Variants in HPS3 observed in about 807,000 individuals in gnomAD.
HPS3 encodes BLOC-2 complex member HPS3.
A neutral mutation model predicts 110.9 loss-of-function variants in HPS3; 79 were observed. The observed-to-expected ratio is 0.71, with a 90% CI of 0.59 to 0.86. The LOEUF (loss-of-function observed/expected upper bound fraction) is 0.86. HPS3 is among the 40% of genes least tolerant of loss of function. HPS3 has a pLI of 0.00. For synonymous variants in HPS3, 428 were observed against 451.0 expected (o/e 0.95, Z 0.65); for missense variants, 1,197 against 1,206.2 (o/e 0.99, Z 0.11).
intron 1 of HPS3, among the ~76,000 whole-genome samples, chr3:149,133,010 G>A (rs1276482584): frequency 6.6e-6 from 1 of 152,210 alleles, no homozygotes; most frequent in Non-Finnish European, 1.5e-5. Flanking sequence ...AACTTGAATG[G>A]GTGAGGAGTT....
At chr3:149,161,716 GC>G (rs1161845866) in intron 11 of HPS3, among the ~76,000 whole-genome samples, 2 of 151,876 alleles carry the variant, frequency 1.3e-5, no homozygotes, top group African/African-American at 4.8e-5. Context: ...TACCATGTTG[GC>G]CAGGCTGGTC....
At position 149,153,634 on chromosome 3, in the gene HPS3, AC is replaced by A; in HGVS notation, c.1389del (p.Lys464ArgfsTer18). On this transcript the variant is annotated frameshift_variant, in exon 7 of 17. Coordinates refer to ENST00000296051, the MANE Select transcript of HPS3 (RefSeq NM_032383.5). LOFTEE classifies it high-confidence loss of function. ...AAGCCATTCCAGAGAGAAGACAGTC[AC>A]CCAAGAGGCTTCTGTAAGCATCCCC... ...PEAIPERRQS[P>X]KRLLSRKDTS... is the part of the protein sequence containing the mutation. 1 of 1,614,226 alleles carries A rather than the reference AC, an allele frequency of 6.2e-7. No individual in the cohort carries two copies. The highest frequency in any genetic ancestry group is 8.5e-7 in the Non-Finnish European group (1 of 1,180,024).
intron 5 of HPS3, among the ~76,000 whole-genome samples, chr3:149,149,580 T>A (rs927394742): frequency 3.3e-5 from 5 of 152,144 alleles, no homozygotes; most frequent in Non-Finnish European, 7.4e-5. Flanking sequence ...ACTGAAAATA[T>A]CAGAATGCCT....
intron 5 of HPS3, among the ~76,000 whole-genome samples, chr3:149,150,233 T>C (rs576061823): frequency 6.6e-6 from 1 of 152,258 alleles, no homozygotes; most frequent in South Asian, 2.1e-4. Context: ...ATCTGTACCT[T>C]GGGCAGGTAC....
rs768116279 is a variant in HPS3, at chr3:149,160,033, G to A, written c.1873-13G>A. The stretch of plus-strand genomic sequence containing the variant: ...GACCTTTTATTCCTTTTATTCCTTC[G>A]TGCTCACCAAAGGAATTAGCAGCAA... On this transcript the variant is annotated splice_polypyrimidine_tract_variant and intron_variant, in intron 10 of 16. Transcript: ENST00000296051. 16 of 1,598,670 alleles carry A rather than the reference G, an allele frequency of 1.0e-5. No individual in the cohort carries two copies. The highest frequency in any genetic ancestry group is 6.6e-5 in the South Asian group (6 of 90,726).
Position 149,140,389 on chromosome 3 carries a change from G to A in HPS3, c.603G>A (p.Met201Ile), listed in dbSNP as rs1722367891. The change falls in exon 2 of 17, where the codon ATG becomes ATA. Residue 201 changes from methionine to isoleucine, a missense_variant. Transcript: ENST00000296051. Reference sequence around the variant, plus strand: ...TTTGTGTTGGATATGTTGCTGTCATGTCAGACTTAGAAGTCTTAATCGTAA... The same window carrying A: ...TTTGTGTTGGATATGTTGCTGTCATATCAGACTTAGAAGTCTTAATCGTAA... Reference protein sequence around the residue: ...VSFCVGYVAVMSDLEVLIVKL... With the variant: ...VSFCVGYVAVISDLEVLIVKL... 1 of 1,610,344 alleles carries A rather than the reference G, an allele frequency of 6.2e-7. No homozygotes were observed. Among genetic ancestry groups the A allele is most frequent in the Admixed American group, 1.7e-5 (1 of 59,586 alleles).
intron 1 of HPS3, among the ~76,000 whole-genome samples, chr3:149,131,564 T>C (rs1425793223): frequency 2.6e-5 from 4 of 152,332 alleles, no homozygotes; most frequent in East Asian, 1.9e-4. Flanking sequence ...TTAATTGATA[T>C]GTGTTGTGTA....
chr3:149,136,770 G>A (rs1722130304), intron 1 of HPS3, among the ~76,000 whole-genome samples: 1 of 152,144 alleles, frequency 6.6e-6, no homozygotes, highest in Admixed American at 6.5e-5. Flanking sequence ...TAATCTGAAA[G>A]CACACAATAC....
rs1427059089 is a variant in HPS3 at position 149,129,815 on chromosome 3, A to G, written c.92A>G (p.Asp31Gly). The G allele has an allele frequency of 6.2e-7, 1 of 1,605,776 alleles. No individual in the cohort carries two copies. The highest frequency in any genetic ancestry group is 1.7e-5 in the Admixed American group (1 of 59,866). ...GACCGGTTCTGTGGCGGGGGGCGTG[A>G]CGCGCTTTTCGTGGCGGCGGGCTGC... ...EPDRFCGGGRDALFVAAGCKV... is the reference protein window; with the variant it reads ...EPDRFCGGGRGALFVAAGCKV... Residue 31 changes from aspartate (D) to glycine (G), a missense_variant, in exon 1 of 17, where the codon GAC becomes GGC. Physicochemically the swap from Asp to Gly is moderately conservative, Grantham distance 94. Transcript: ENST00000296051.
In HPS3 at chr3:149,162,812, G is replaced by C. The variant is rs1257586851; in HGVS notation, c.2415G>C (p.Gln805His). 4 of 1,613,930 alleles carry C rather than the reference G, an allele frequency of 2.5e-6. No individual in the cohort carries two copies. The highest frequency in any genetic ancestry group is 3.4e-6 in the Non-Finnish European group (4 of 1,179,968). Residue 805 changes from glutamine to histidine, a missense_variant, in exon 13 of 17, where the codon CAG becomes CAC. By Grantham distance (24) the Gln-to-His change is conservative (BLOSUM62 0). Transcript: ENST00000296051. ...LQELFFKLTSQYIWRLSKRQP... is the reference protein window; with the variant it reads ...LQELFFKLTSHYIWRLSKRQP... ...AACTCTTTTTCAAACTCACATCACA[G>C]TACATCTGGAGATTGTCTAAGAGGC...
At position 149,129,651 on chromosome 3, in the gene HPS3, C is replaced by A. The variant is rs1039787977; in HGVS notation, c.-73C>A. On this transcript the variant is annotated 5_prime_UTR_variant, in exon 1 of 17. Coordinates refer to ENST00000296051, the MANE Select transcript of HPS3 (RefSeq NM_032383.5). The stretch of plus-strand genomic sequence containing the variant: ...TGGCTCGCTCGCGGAAGTAGTCCTA[C>A]ATTCGCGGTCAGCGCGGGGTCTCCG... 1.0e-5 allele frequency: 12 copies of A among 1,192,146 alleles called. No homozygotes were observed. In the African/African-American group the frequency reaches 1.4e-4, roughly 14 times the overall value. The allele number at this position is 1,192,146 out of a possible 1,614,324, so 73.8% of individuals were successfully genotyped here.
rs2108163136 is a variant in HPS3 at position 149,160,195 on chromosome 3, C to G, written c.2022C>G (p.Ile674Met). Residue 674 changes from isoleucine (I) to methionine (M), a missense_variant, in exon 11 of 17, where the codon ATC becomes ATG. Physicochemically the swap from Ile to Met is conservative, Grantham distance 10. Transcript: ENST00000296051. ...TGGATACTTCTGGGTTTTCATCGATCTTAGTGACATTGACCAAGGCAGCAG... is the reference window on the plus strand; with the variant it reads ...TGGATACTTCTGGGTTTTCATCGATGTTAGTGACATTGACCAAGGCAGCAG... ...RKLDTSGFSS[I>M]LVTLTKAAVA... is the part of the protein sequence containing the mutation. 2 of 1,613,882 alleles carry G rather than the reference C, an allele frequency of 1.2e-6. No homozygotes were observed. The highest frequency in any genetic ancestry group is 1.3e-5 in the African/African-American group (1 of 75,022).
intron 10 of HPS3, among the ~76,000 whole-genome samples, chr3:149,159,454 T>C (rs940441725): frequency 1.3e-5 from 2 of 152,108 alleles, no homozygotes; most frequent in Non-Finnish European, 2.9e-5. Context: ...TTCCAGCTAC[T>C]CAGGAGGCTG....
chr3:149,134,547 T>C (rs1013018353), intron 1 of HPS3, among the ~76,000 whole-genome samples: 5 of 152,238 alleles, frequency 3.3e-5, no homozygotes, highest in African/African-American at 1.2e-4. Context: ...CCACTACCTA[T>C]GCATACGAAT....
chr3:149,156,685 C>T (rs903721843), intron 8 of HPS3, among the ~76,000 whole-genome samples: 1 of 151,712 alleles, frequency 6.6e-6, no homozygotes, highest in Non-Finnish European at 1.5e-5. Flanking sequence ...GTTCATCTAC[C>T]CCTCTTTGGT....
At chr3:149,150,475 A>T in intron 5 of HPS3, 124 bp from the exon 6 acceptor site, 1 of 739,578 alleles carries the variant, frequency 1.4e-6, no homozygotes, top group Non-Finnish European at 2.5e-6. Flanking sequence ...TAACTTGGCA[A>T]TATTTGACAA....
intron 1 of HPS3, chr3:149,130,264 T>C (rs1271914352): frequency 4.6e-6 from 2 of 436,490 alleles, no homozygotes; most frequent in African/African-American, 4.0e-5. Context: ...AACTCTTTAG[T>C]GCATCAGATT....
rs1387190231 is a variant in HPS3, at chr3:149,173,465, T to A, written c.*1243T>A. 6.0e-6 allele frequency: 2 copies of A among 334,670 alleles called. No homozygotes were observed. Among genetic ancestry groups the A allele is most frequent in the African/African-American group, 4.3e-5 (2 of 46,210 alleles). 20.7% of individuals were successfully genotyped at this position (334,670 alleles called of 1,614,324 possible). A position where few individuals can be genotyped will look rare whatever the true frequency, so the allele number is the denominator to read the frequency against. On this transcript the variant is annotated 3_prime_UTR_variant, in exon 17 of 17. Coordinates refer to ENST00000296051, the MANE Select transcript of HPS3 (RefSeq NM_032383.5). Reference sequence around the variant, plus strand: ...TAAAACCCTAACAGCGGTGATATCATTAGACTGTATGAATCAGTTTTATTA... The same window carrying A: ...TAAAACCCTAACAGCGGTGATATCAATAGACTGTATGAATCAGTTTTATTA...
rs139269877 is a variant in HPS3, at chr3:149,159,160, T to C, written c.1872+314T>C. On this transcript the variant is annotated intron_variant, in intron 10 of 16. Coordinates refer to ENST00000296051, the MANE Select transcript of HPS3 (RefSeq NM_032383.5). The stretch of plus-strand genomic sequence containing the variant: ...CAGAATGCGGGCCTTGCCTTCCATC[T>C]TCTCATCTGCAGTCCTTCCCGCAAC... 8.8e-4 allele frequency among the ~76,000 whole-genome samples: 134 copies of C among 152,324 alleles called. 1 individual carries two copies. Among genetic ancestry groups the C allele is most frequent in the Non-Finnish European group, 1.3e-3 (91 of 68,018 alleles).
Sources: gnomAD v4.1 joint callset for allele counts (sites outside exome capture counted in the v4.1 genomes callset) on GRCh38, gnomAD v4.1.1 for gene constraint, MANE v1.5 for transcripts, NCBI Gene and HGNC (gene_info 2026-07-23, HGNC 2026-07-21) for gene names.